The following PPM1E variants were observed in gnomAD, a reference collection of about 807,000 sequenced individuals.
PPM1E encodes the protein protein phosphatase 1E.
PPM1E carries 20 observed loss-of-function variants against 65.9 expected under a neutral mutation model. The observed-to-expected ratio is 0.30, with a 90% confidence interval of 0.21 to 0.44. The LOEUF is 0.44. PPM1E is among the 20% of genes least tolerant of loss of function. PPM1E has a pLI of 1.00. For synonymous variants in PPM1E, 352 were observed against 374.9 expected (o/e 0.94, Z 0.70); for missense variants, 713 against 953.1 (o/e 0.75, Z 3.32).
intron 1 of PPM1E, among the ~76,000 whole-genome samples, chr17:58,787,923 AAAAG>A (rs1347519053): frequency 1.3e-5 from 2 of 149,358 alleles, no homozygotes; most frequent in Non-Finnish European, 3.0e-5. Context: ...AAAAAAAAAG[AAAAG>A]AAAGAAAAAA....
chr17:58,853,073 G>A (rs2050844668), intron 1 of PPM1E, among the ~76,000 whole-genome samples: 1 of 152,112 alleles, frequency 6.6e-6, no homozygotes, highest in Admixed American at 6.5e-5. Context: ...TGTTGATAGT[G>A]TCTTTTGATG....
chr17:58,945,305 G>C (rs1427021105), intron 1 of PPM1E, among the ~76,000 whole-genome samples: 1 of 152,066 alleles, frequency 6.6e-6, no homozygotes, highest in Non-Finnish European at 1.5e-5. Flanking sequence ...ACCACACTCA[G>C]CTAACTTATG....
Position 58,890,646 on chromosome 17 carries a change from C to CAT in PPM1E, c.465-64991_465-64990dup, listed in dbSNP as rs921768779. On this transcript the variant is annotated intron_variant, in intron 1 of 6. Transcript: ENST00000308249. ...GTATGTGTGTATATAAACATACACA[C>CAT]ATATATATATATACATGAATGTTTT... Among the ~76,000 whole-genome samples the CAT allele has an allele frequency of 8.5e-4, 128 of 150,932 alleles. 1 individual carries two copies. The highest frequency in any genetic ancestry group is 2.3e-3 in the African/African-American group (96 of 41,232).
At chr17:58,898,267 A>G (rs558151718) in intron 1 of PPM1E, among the ~76,000 whole-genome samples, 130 of 152,142 alleles carry the variant, frequency 8.5e-4, no homozygotes, top group African/African-American at 3.0e-3. Flanking sequence ...AAAAAAAAAA[A>G]AACTATCTAC....
chr17:58,775,946 A>AG (rs2049990077), intron 1 of PPM1E, among the ~76,000 whole-genome samples: 1 of 150,612 alleles, frequency 6.6e-6, no homozygotes, highest in Non-Finnish European at 1.5e-5. Flanking sequence ...AAAAAAAAAA[A>AG]AAAGAATAGT....
intron 1 of PPM1E, among the ~76,000 whole-genome samples, chr17:58,790,877 A>G (rs1181321142): frequency 2.1e-5 from 3 of 145,042 alleles, no homozygotes; most frequent in African/African-American, 7.8e-5. Context: ...AATCCACAAA[A>G]TCTTGAGAGA....
Position 58,879,137 on chromosome 17 carries a change from T to G in PPM1E, c.465-76512T>G, listed in dbSNP as rs1158156255. 2.0e-5 allele frequency among the ~76,000 whole-genome samples: 3 copies of G among 151,984 alleles called. No individual in the cohort carries two copies. In the East Asian group the frequency reaches 5.8e-4, roughly 29 times the overall value. ...CAGTTTACTCTATATTGACTAGAAT[T>G]TTTAGTGAAGGATCTTAATCTCATA... On this transcript the variant is annotated intron_variant, in intron 1 of 6. Coordinates refer to ENST00000308249, the MANE Select transcript of PPM1E (RefSeq NM_014906.5).
In PPM1E at chr17:58,821,312, G is replaced by A. The variant is rs527376396; in HGVS notation, c.464+64851G>A. Among the ~76,000 whole-genome samples the A allele has an allele frequency of 3.3e-5, 5 of 152,026 alleles. 1 individual carries two copies. The highest frequency in any genetic ancestry group is 4.1e-4 in the South Asian group (2 of 4,828). ...TTTTTAGTAGAGACGGGGTTTCACC[G>A]TGTTAGCCAGGATGGTCTCGATCTC... On this transcript the variant is annotated intron_variant, in intron 1 of 6. Transcript: ENST00000308249.
intron 3 of PPM1E, 171 bp downstream of exon 3, chr17:58,966,064 C>T (rs964149250): frequency 3.0e-6 from 2 of 669,200 alleles, no homozygotes; most frequent in Non-Finnish European, 2.5e-6. Context: ...AACTATTTTA[C>T]GTTCTTTTGA....
chr17:58,893,946 C>T (rs1322395771), intron 1 of PPM1E, among the ~76,000 whole-genome samples: 1 of 151,874 alleles, frequency 6.6e-6, no homozygotes, highest in East Asian at 1.9e-4. Flanking sequence ...TGGTGGCAAA[C>T]ACCTGTAGTC....
At chr17:58,806,698 C>G (rs895933395) in intron 1 of PPM1E, among the ~76,000 whole-genome samples, 40 of 135,054 alleles carry the variant, frequency 3.0e-4, no homozygotes, top group Non-Finnish European at 5.1e-4. Flanking sequence ...GTTTTGTTTT[C>G]TTTTTTTTTT....
chr17:58,978,655 G>A (rs1316490651), intron 6 of PPM1E, among the ~76,000 whole-genome samples: 2 of 152,114 alleles, frequency 1.3e-5, no homozygotes, highest in Non-Finnish European at 2.9e-5. Context: ...AGGCTGCAGT[G>A]ACCCGAGATT....
intron 1 of PPM1E, among the ~76,000 whole-genome samples, chr17:58,828,627 G>T (rs1420255359): frequency 6.6e-6 from 1 of 151,986 alleles, no homozygotes; most frequent in Non-Finnish European, 1.5e-5. Flanking sequence ...ACTACGCCAG[G>T]CTAATTTTGT....
chr17:58,807,187 A>AAAAGTAAGTAAAG (rs1158179360), intron 1 of PPM1E, among the ~76,000 whole-genome samples: 12 of 152,170 alleles, frequency 7.9e-5, no homozygotes, highest in African/African-American at 2.7e-4. Context: ...ACTTTTGTGC[A>AAAAGTAAGTAAAG]TATTTGATAC....
chr17:58,872,379 A>G (rs2051080701), intron 1 of PPM1E, among the ~76,000 whole-genome samples: 1 of 152,168 alleles, frequency 6.6e-6, no homozygotes, highest in South Asian at 2.1e-4. Context: ...ACCCTGAGAG[A>G]TGCCTTACTA....
intron 1 of PPM1E, among the ~76,000 whole-genome samples, chr17:58,941,435 C>T: frequency 6.6e-6 from 1 of 152,126 alleles, no homozygotes; most frequent in East Asian, 1.9e-4. Flanking sequence ...TGGCTCACGC[C>T]TGTAATCCCA....
intron 1 of PPM1E, among the ~76,000 whole-genome samples, chr17:58,954,068 A>G (rs1465334615): frequency 6.6e-6 from 1 of 152,150 alleles, no homozygotes; most frequent in Non-Finnish European, 1.5e-5. Flanking sequence ...AACATGTTAA[A>G]ATGAATTCTT....
chr17:58,832,238 G>A (rs1014242318), intron 1 of PPM1E, among the ~76,000 whole-genome samples: 1 of 151,906 alleles, frequency 6.6e-6, no homozygotes, highest in African/African-American at 2.4e-5. Flanking sequence ...TCACTATCCT[G>A]GTCACTCACT....
At chr17:58,867,635 T>G (rs928698950) in intron 1 of PPM1E, among the ~76,000 whole-genome samples, 2 of 152,232 alleles carry the variant, frequency 1.3e-5, no homozygotes, top group East Asian at 3.9e-4. Context: ...AATTAGGCAC[T>G]ACTTTTAAGA....
Sources: gnomAD v4.1 joint callset for allele counts (sites outside exome capture counted in the v4.1 genomes callset) on GRCh38, gnomAD v4.1.1 for gene constraint, MANE v1.5 for transcripts, NCBI Gene and HGNC (gene_info 2026-07-23, HGNC 2026-07-21) for gene names.